The following PCDHGA1 variants were observed in gnomAD, a reference collection of about 807,000 sequenced individuals.
The protein encoded by PCDHGA1 is protocadherin gamma-A1.
Under a neutral mutation model 58.0 loss-of-function variants are expected in PCDHGA1, and 32 were observed. The ratio of observed to expected loss-of-function variants is 0.55; its 90% CI spans 0.42 to 0.74. The LOEUF is 0.74. Among genes scored for constraint, PCDHGA1 ranks in the 30% least tolerant of loss-of-function variants. The pLI, the probability that PCDHGA1 is intolerant of heterozygous loss-of-function variation, is 0.00. For missense variants in PCDHGA1, 1,205 were observed against 1,182.3 expected (o/e 1.02, Z -0.28); for synonymous variants, 498 against 501.1 (o/e 0.99, Z 0.08).
rs894786663 is a variant in PCDHGA1 at position 141,371,734 on chromosome 5, A to G, written c.2421+38629A>G. The G allele has an allele frequency of 1.2e-6, 2 of 1,614,042 alleles. No individual in the cohort carries two copies. Among genetic ancestry groups the G allele is most frequent in the Non-Finnish European group, 1.7e-6 (2 of 1,179,892 alleles). ...ACTCTGCACATCCTTGATGTCAACG[A>G]CAACGTTCCCGTTTTCCACCAGGCC... On this transcript the variant is annotated intron_variant, in intron 1 of 3. Coordinates refer to ENST00000517417, the MANE Select transcript of PCDHGA1 (RefSeq NM_018912.3).
chr5:141,398,148 G>T lies in PCDHGA1; in HGVS notation c.2421+65043G>T, dbSNP rs768560617. The T allele has an allele frequency of 9.4e-6, 14 of 1,497,140 alleles. 1 individual carries two copies. Among genetic ancestry groups the T allele is most frequent in the East Asian group, 9.3e-5 (4 of 42,788 alleles). 92.7% of individuals were successfully genotyped at this position (1,497,140 alleles called of 1,614,324 possible). On this transcript the variant is annotated intron_variant, in intron 1 of 3. Coordinates refer to ENST00000517417, the MANE Select transcript of PCDHGA1 (RefSeq NM_018912.3). ...GAGGGATGGGGAGCGGCGCCGGGGA[G>T]CTGGGCCGGGCTGAGAGGCTGCCAG...
chr5:141,340,510 A>G, intron 1 of PCDHGA1: 1 of 1,614,146 alleles, frequency 6.2e-7, no homozygotes, highest in Non-Finnish European at 8.5e-7. Flanking sequence ...ACACTGGAGT[A>G]CTCTATGCAC....
chr5:141,387,122 A>G (rs960154825), intron 1 of PCDHGA1, among the ~76,000 whole-genome samples: 24 of 152,234 alleles, frequency 1.6e-4, no homozygotes, highest in African/African-American at 5.5e-4. Flanking sequence ...CTGTAATGAA[A>G]TCACTGAAAC....
chr5:141,409,338 A>C, intron 1 of PCDHGA1: 5 of 1,614,002 alleles, frequency 3.1e-6, no homozygotes, highest in Non-Finnish European at 4.2e-6. Flanking sequence ...TTCGGAGGAA[A>C]TGGAGAAGTC....
intron 1 of PCDHGA1, among the ~76,000 whole-genome samples, chr5:141,347,209 A>G (rs760335658): frequency 2.5e-5 from 3 of 119,672 alleles, no homozygotes; most frequent in Non-Finnish European, 5.1e-5. Context: ...TCTGGAGTGC[A>G]GTGGCATGAT....
rs766554611 is a variant in PCDHGA1, at chr5:141,331,252, C to T, written c.568C>T (p.Gln190Ter). The stretch of plus-strand genomic sequence containing the variant: ...TGTGCAACAGGGAGCCGATGGGCCT[C>T]AACATCCAGAGATGGTGCTGCAGAG... ...LDVQQGADGP[Q>*]HPEMVLQSPL... is the part of the protein sequence containing the mutation. Residue 190 changes from glutamine (Q) to a stop codon, truncating the protein, a stop_gained, in exon 1 of 4, where the codon CAA becomes TAA. Transcript: ENST00000517417. LOFTEE classifies it high-confidence loss of function. The T allele has an allele frequency of 1.2e-6, 2 of 1,614,124 alleles. No individual in the cohort carries two copies. Among genetic ancestry groups the T allele is most frequent in the South Asian group, 2.2e-5 (2 of 91,080 alleles).
At position 141,415,520 on chromosome 5, in the gene PCDHGA1, C is replaced by A. The variant is rs200535016; in HGVS notation, c.2422-79287C>A. The A allele has an allele frequency of 1.8e-4, 288 of 1,614,072 alleles. 3 individuals carry two copies. The highest frequency in any genetic ancestry group is 6.7e-5 in the Non-Finnish European group (79 of 1,180,044). On this transcript the variant is annotated intron_variant, in intron 1 of 3. Coordinates refer to ENST00000517417, the MANE Select transcript of PCDHGA1 (RefSeq NM_018912.3). Reference sequence around the variant, plus strand: ...TTCCCCCAGCCCAATTATGCGGACACGCTCATCAGCCAGGAGAGCTGTGAG... The same window carrying A: ...TTCCCCCAGCCCAATTATGCGGACAAGCTCATCAGCCAGGAGAGCTGTGAG...
Position 141,349,813 on chromosome 5 carries a change from G to GA in PCDHGA1, c.2421+16715dup, listed in dbSNP as rs1195442727. On this transcript the variant is annotated intron_variant, in intron 1 of 3. Coordinates refer to ENST00000517417, the MANE Select transcript of PCDHGA1 (RefSeq NM_018912.3). Reference sequence around the variant, plus strand: ...AAGATTTTTTTTTACCCCCAAAACTGAAAAAAATGGCAGTGTACCTTGTGA... The same window carrying GA: ...AAGATTTTTTTTTACCCCCAAAACTGAAAAAAAATGGCAGTGTACCTTGTGA... Among the ~76,000 whole-genome samples, 5 of 151,524 alleles carry GA rather than the reference G, an allele frequency of 3.3e-5. No individual in the cohort carries two copies. The South Asian group carries it at 6.2e-4, about 19-fold the overall frequency.
At position 141,337,846 on chromosome 5, in the gene PCDHGA1, A is replaced by G. The variant is rs542647835; in HGVS notation, c.2421+4741A>G. Among the ~76,000 whole-genome samples the G allele has an allele frequency of 6.6e-5, 10 of 152,342 alleles. No homozygotes were observed. The South Asian group carries it at 8.3e-4, about 13-fold the overall frequency. Reference sequence around the variant, plus strand: ...CACCCTTGGAAAATGAATATCAGAAAAAGAACTTGACAACCTCAAACAATT... The same window carrying G: ...CACCCTTGGAAAATGAATATCAGAAGAAGAACTTGACAACCTCAAACAATT... On this transcript the variant is annotated intron_variant, in intron 1 of 3. Coordinates refer to ENST00000517417, the MANE Select transcript of PCDHGA1 (RefSeq NM_018912.3).
chr5:141,332,780 C>G lies in PCDHGA1; in HGVS notation c.2096C>G (p.Ala699Gly), dbSNP rs774370370. Residue 699 changes from alanine to glycine, a missense_variant, in exon 1 of 4, where the codon GCG (alanine) becomes GGG (glycine). By Grantham distance (60) the Ala-to-Gly change is moderately conservative (BLOSUM62 0). Coordinates refer to ENST00000517417, the MANE Select transcript of PCDHGA1 (RefSeq NM_018912.3). This position sits in a 1 kb window ranked among gnomAD's most constrained non-coding sequence, Gnocchi z 4.6. ...CTGTACCTGGTGGTGGCGGCGGCCG[C>G]GGTCTCCTGCGTCTTCCTGGCCTTC... ...LTLYLVVAAA[A>G]VSCVFLAFVI... The G allele has an allele frequency of 1.9e-6, 3 of 1,614,114 alleles. No homozygotes were observed. The highest frequency in any genetic ancestry group is 2.2e-5 in the East Asian group (1 of 44,880).
Position 141,349,194 on chromosome 5 carries a change from C to T in PCDHGA1, c.2421+16089C>T, listed in dbSNP as rs138459537. Among the ~76,000 whole-genome samples, 622 of 152,096 alleles carry T rather than the reference C, an allele frequency of 4.1e-3. 4 individuals are homozygous for T. The highest frequency in any genetic ancestry group is 0.01 in the Middle Eastern group (3 of 294). On this transcript the variant is annotated intron_variant, in intron 1 of 3. Coordinates refer to ENST00000517417, the MANE Select transcript of PCDHGA1 (RefSeq NM_018912.3). ...AAGTGATTCTGCTGCCTCAACCTCC[C>T]GAGTAGCTGGCGTTACAGGTACCCG...
intron 1 of PCDHGA1, chr5:141,423,138 C>G (rs767107885): frequency 1.2e-6 from 2 of 1,613,606 alleles, no homozygotes; most frequent in Non-Finnish European, 1.7e-6. Flanking sequence ...TGGACAGAGA[C>G]GCGCTCAAGC....
intron 1 of PCDHGA1, among the ~76,000 whole-genome samples, chr5:141,459,109 C>A (rs1213203625): frequency 6.6e-6 from 1 of 152,174 alleles, no homozygotes; most frequent in Non-Finnish European, 1.5e-5. Context: ...TGCATTTTGA[C>A]AATTGTTTAC....
At chr5:141,494,724 T>C in intron 1 of PCDHGA1, 83 bp from the exon 2 acceptor site, 1 of 1,606,108 alleles carries the variant, frequency 6.2e-7, no homozygotes, top group South Asian at 1.1e-5. Flanking sequence ...CCCCTCCTTC[T>C]CTCCCGGCCC....
chr5:141,419,613 G>T (rs369914837), intron 1 of PCDHGA1: 144 of 1,612,020 alleles, frequency 8.9e-5, no homozygotes, highest in Admixed American at 1.5e-4. Context: ...GCGCAGCCAG[G>T]CTACCTGGTG....
At position 141,390,867 on chromosome 5, in the gene PCDHGA1, CGTGT is replaced by C. The variant is rs61319619; in HGVS notation, c.2421+57780_2421+57783del. The C allele has an allele frequency of 5.1e-4, 77 of 151,148 alleles. No homozygotes were observed. The East Asian group carries it at 6.0e-3, about 12-fold the overall frequency. 9.4% of individuals were successfully genotyped at this position (151,148 alleles called of 1,614,324 possible). A position where few individuals can be genotyped will look rare whatever the true frequency, so the allele number is the denominator to read the frequency against. On this transcript the variant is annotated intron_variant, in intron 1 of 3. Coordinates refer to ENST00000517417, the MANE Select transcript of PCDHGA1 (RefSeq NM_018912.3). ...TTATATGCAGTGTACGCTGTGTGTG[CGTGT>C]GTGTGTGTGTGTGTGTGAGAGAGAT...
chr5:141,408,336 C>A, intron 1 of PCDHGA1: 1 of 1,613,910 alleles, frequency 6.2e-7, no homozygotes, highest in Non-Finnish European at 8.5e-7. Flanking sequence ...GCCAAGGGCT[C>A]GGTGGTGGGG....
chr5:141,455,860 A>ATTATTTATTTAT (rs145569377), intron 1 of PCDHGA1, among the ~76,000 whole-genome samples: 9 of 139,836 alleles, frequency 6.4e-5, no homozygotes, highest in African/African-American at 7.9e-5. Context: ...AATTTCTTTT[A>ATTATTTATTTAT]TTATTTATTT....
chr5:141,411,536 A>G (rs1333872781), intron 1 of PCDHGA1: 1 of 152,248 alleles, frequency 6.6e-6, no homozygotes, highest in Admixed American at 6.5e-5. Context: ...GTGAGCCCTG[A>G]TCTTGCCACT....
Sources: allele counts gnomAD v4.1 joint callset (sites outside exome capture counted in the v4.1 genomes callset), GRCh38; gene constraint gnomAD v4.1.1; non-coding constraint Gnocchi (gnomAD v3.1); transcripts MANE v1.5; gene names NCBI Gene and HGNC (gene_info 2026-07-23, HGNC 2026-07-21).